Variants in TDRD12 observed in about 807,000 individuals in gnomAD.
TDRD12 encodes tudor domain containing 12.
Under a neutral mutation model 133.5 loss-of-function variants are expected in TDRD12, and 158 were observed. The ratio of observed to expected loss-of-function variants is 1.18; its 90% CI spans 1.04 to 1.35. The LOEUF (loss-of-function observed/expected upper bound fraction) is 1.35, where lower values mean the gene tolerates loss of function less well. Ranked by LOEUF, TDRD12 falls within the 40% of genes most tolerant of loss-of-function variation. The pLI is 0.00. For missense variants in TDRD12, 1,443 were observed against 1,321.3 expected, an observed-to-expected ratio of 1.09 and a Z score of -1.43; for synonymous variants, 460 against 477.9, an observed-to-expected ratio of 0.96 and a Z score of 0.49.
chr19:32,811,965 G>C (rs1967020781), intron 24 of TDRD12, among the ~76,000 whole-genome samples: 1 of 152,256 alleles, frequency 6.6e-6, no homozygotes. Flanking sequence ...GAGAGGCCAG[G>C]TGATTCCACT....
intron 3 of TDRD12, among the ~76,000 whole-genome samples, chr19:32,740,661 T>G (rs1969396286): frequency 6.6e-6 from 1 of 152,176 alleles, no homozygotes; most frequent in Admixed American, 6.5e-5. Context: ...CTTGTGCCCT[T>G]TAGGGAGGCT....
downstream of TDRD12, among the ~76,000 whole-genome samples, chr19:32,823,588 T>C (rs1013463938): frequency 1.3e-5 from 2 of 152,154 alleles, no homozygotes; most frequent in South Asian, 2.1e-4. Flanking sequence ...CGTGGGGGAC[T>C]GAATGTAGCT....
intron 21 of TDRD12, among the ~76,000 whole-genome samples, chr19:32,804,691 CAAA>C (rs34907310): frequency 4.1e-5 from 5 of 121,090 alleles, no homozygotes; most frequent in Admixed American, 8.6e-5. Context: ...GATTCTGTCT[CAAA>C]AAAAAAAAAA....
Position 32,784,732 on chromosome 19 carries a change from G to A in TDRD12, c.1122-5799G>A, listed in dbSNP as rs111530499. 1.8e-4 allele frequency among the ~76,000 whole-genome samples: 27 copies of A among 152,252 alleles called. 1 individual carries two copies. Among genetic ancestry groups the A allele is most frequent in the African/African-American group, 6.5e-4 (27 of 41,544 alleles). On this transcript the variant is annotated intron_variant, in intron 11 of 27. Transcript: ENST00000444215. The stretch of plus-strand genomic sequence containing the variant: ...GTCTTGGGAGGGTGTATGTGTCCAG[G>A]AGTTTATCCATTTCTTCTAGATTTT...
intron 13 of TDRD12, among the ~76,000 whole-genome samples, chr19:32,793,576 G>A (rs1367664434): frequency 3.9e-5 from 6 of 152,178 alleles, no homozygotes; most frequent in South Asian, 2.1e-4. Flanking sequence ...TGTGGGTGGA[G>A]AACTCTATTG....
chr19:32,766,701 G>A (rs1338798280), intron 8 of TDRD12, among the ~76,000 whole-genome samples: 1 of 151,754 alleles, frequency 6.6e-6, no homozygotes, highest in Admixed American at 6.6e-5. Flanking sequence ...TACACCCTCT[G>A]CCTCCTGGGT....
At chr19:32,759,585 C>T (rs201409202) in intron 8 of TDRD12, among the ~76,000 whole-genome samples, 2 of 152,060 alleles carry the variant, frequency 1.3e-5, no homozygotes, top group East Asian at 3.9e-4. Context: ...TGCCACTGCA[C>T]TCCAGCCTGG....
In TDRD12 at chr19:32,738,981, C is replaced by G. The variant is rs1969309782; in HGVS notation, c.309C>G (p.Val103=). ...TGGACTTTGCCAAGAACATTCCAGT[C>G]AAATCTAAAAAGTATGTACATGTTT... Residue 103 remains valine (V), a synonymous_variant, in exon 3 of 28, where the codon GTC becomes GTG. Transcript: ENST00000444215. The G allele has an allele frequency of 3.9e-6, 6 of 1,550,300 alleles. 1 individual carries two copies. In the Admixed American group the frequency reaches 1.2e-4, roughly 30 times the overall value.
At chr19:32,734,416 G>C (rs1969161947) in intron 2 of TDRD12, among the ~76,000 whole-genome samples, 1 of 150,876 alleles carries the variant, frequency 6.6e-6, no homozygotes, top group African/African-American at 2.4e-5. Flanking sequence ...TGTCACCCAG[G>C]CTGGAGTGCA....
At chr19:32,762,271 G>A (rs1055829629) in intron 8 of TDRD12, among the ~76,000 whole-genome samples, 2 of 152,226 alleles carry the variant, frequency 1.3e-5, no homozygotes, top group African/African-American at 4.8e-5. Flanking sequence ...CATACTCAGG[G>A]TCATCTAGGT....
At chr19:32,803,252 A>G in intron 21 of TDRD12, 110 bp downstream of exon 21, 1 of 819,664 alleles carries the variant, frequency 1.2e-6, no homozygotes, top group South Asian at 1.9e-5. Flanking sequence ...ACCCACTCTG[A>G]GGGAGCAGTC....
At chr19:32,790,703 T>A in intron 12 of TDRD12, 112 bp downstream of exon 12, 1 of 1,551,070 alleles carries the variant, frequency 6.4e-7, no homozygotes, top group Non-Finnish European at 8.7e-7. Flanking sequence ...ACTCCTTAGA[T>A]GGGGGACTTA....
chr19:32,732,249 C>T (rs542731220), intron 2 of TDRD12, among the ~76,000 whole-genome samples: 3 of 152,318 alleles, frequency 2.0e-5, no homozygotes, highest in South Asian at 4.1e-4. Flanking sequence ...AGGTGATCCA[C>T]CCGCCTCAGA....
At chr19:32,809,554 T>C (rs921873350) in intron 22 of TDRD12, among the ~76,000 whole-genome samples, 17 of 152,072 alleles carry the variant, frequency 1.1e-4, no homozygotes, top group Non-Finnish European at 4.4e-5. Flanking sequence ...CACACTGACT[T>C]TTTCCTCACA....
chr19:32,759,609 C>T (rs1037530208), intron 8 of TDRD12, among the ~76,000 whole-genome samples: 2 of 151,930 alleles, frequency 1.3e-5, no homozygotes, highest in African/African-American at 4.8e-5. Flanking sequence ...AGTGAGACTC[C>T]GGCTGAAAAA....
chr19:32,829,105 C>G (rs949152499), exon 10 of TDRD12: 2 of 152,314 alleles, frequency 1.3e-5, no homozygotes, highest in African/African-American at 4.8e-5. Flanking sequence ...ATATCAGTGT[C>G]TGTTTCTCTG....
At chr19:32,722,283 A>G (rs2145402562) in intron 1 of TDRD12, among the ~76,000 whole-genome samples, 1 of 152,274 alleles carries the variant, frequency 6.6e-6, no homozygotes, top group Non-Finnish European at 1.5e-5. Flanking sequence ...CCATCCCGGC[A>G]GAACTTTGAT....
intron 3 of TDRD12, among the ~76,000 whole-genome samples, chr19:32,739,963 A>G (rs1235574015): frequency 6.1e-5 from 4 of 65,220 alleles, no homozygotes; most frequent in Non-Finnish European, 8.6e-5. Context: ...TAGGTACTCT[A>G]TGCATCTCCT....
chr19:32,827,164 T>C (rs1340439271), exon 10 of TDRD12: 1 of 1,213,010 alleles, frequency 8.2e-7, no homozygotes. Context: ...ACTCCTTTAG[T>C]AGTGAATTCT....
Sources: gnomAD v4.1 joint callset for allele counts (sites outside exome capture counted in the v4.1 genomes callset) on GRCh38, gnomAD v4.1.1 for gene constraint, MANE v1.5 for transcripts, NCBI Gene and HGNC (gene_info 2026-07-23, HGNC 2026-07-21) for gene names.